Variants in CFAP43 observed in about 807,000 individuals in gnomAD.
The protein encoded by CFAP43 is cilia and flagella associated protein 43.
In CFAP43, 155 loss-of-function variants were observed where a neutral mutation model predicts 218.9. The ratio of observed to expected loss-of-function variants is 0.71; its 90% CI spans 0.62 to 0.81. The LOEUF is 0.81. Among genes scored for constraint, CFAP43 ranks in the 30% least tolerant of loss-of-function variants. The pLI is 0.00. For synonymous variants in CFAP43, 645 were observed against 681.3 expected (o/e 0.95, Z 0.83); for missense variants, 1,778 against 1,954.3 (o/e 0.91, Z 1.70).
chr10:104,156,380 C>T (rs606340), intron 27 of CFAP43, among the ~76,000 whole-genome samples: 42,340 of 151,936 alleles, frequency 0.28, 8,451 homozygotes, highest in African/African-American at 0.58. Context: ...CTAGGAAATC[C>T]GAAAATAGCT....
chr10:104,220,949 C>CGTGTGTGT (rs68093596), intron 3 of CFAP43, among the ~76,000 whole-genome samples: 220 of 143,684 alleles, frequency 1.5e-3, no homozygotes, highest in African/African-American at 4.2e-3. Flanking sequence ...TATGAGTGAG[C>CGTGTGTGT]GTGTGTGTGT....
rs947237060 is a variant in CFAP43 at position 104,164,237 on chromosome 10, C to T, written c.3103G>A (p.Glu1035Lys). The change falls in exon 24 of 38, where the codon GAG (glutamate) becomes AAG (lysine). Residue 1035 changes from glutamate (E) to lysine (K), a missense_variant. Transcript: ENST00000357060. Reference sequence around the variant, plus strand: ...TCCTTCACGCGTGCAATTTCAAACTCTTTTTGTTTATATGCAGCGTCAAAC... The same window carrying T: ...TCCTTCACGCGTGCAATTTCAAACTTTTTTTGTTTATATGCAGCGTCAAAC... ...NEFDAAYKQK[E>K]FEIARVKERN... 2.0e-5 allele frequency: 33 copies of T among 1,613,526 alleles called. No homozygotes were observed. Among genetic ancestry groups the T allele is most frequent in the Non-Finnish European group, 2.7e-5 (32 of 1,179,812 alleles).
chr10:104,215,013 T>C (rs968958519), intron 3 of CFAP43, among the ~76,000 whole-genome samples: 1 of 152,146 alleles, frequency 6.6e-6, no homozygotes, highest in Non-Finnish European at 1.5e-5. Context: ...CACACGCCTG[T>C]AATCCCAGCT....
chr10:104,182,234 T>C (rs2089870870), intron 17 of CFAP43, 132 bp downstream of exon 17: 1 of 1,034,298 alleles, frequency 9.7e-7, no homozygotes, highest in Non-Finnish European at 1.3e-6. Flanking sequence ...TATTCCCTTT[T>C]TGAAAATCAT....
chr10:104,179,522 A>G (rs1014129526), intron 18 of CFAP43, among the ~76,000 whole-genome samples: 35 of 152,136 alleles, frequency 2.3e-4, no homozygotes, highest in African/African-American at 8.2e-4. Context: ...AGGACAGAGG[A>G]AGACAAGCAT....
chr10:104,204,274 T>A (rs1210905313), intron 7 of CFAP43, among the ~76,000 whole-genome samples: 1 of 152,208 alleles, frequency 6.6e-6, no homozygotes, highest in African/African-American at 2.4e-5. Context: ...GATCCTCTTT[T>A]TCTGTTCCTC....
At chr10:104,218,542 G>T (rs2091087029) in intron 3 of CFAP43, among the ~76,000 whole-genome samples, 1 of 152,004 alleles carries the variant, frequency 6.6e-6, no homozygotes, top group South Asian at 2.1e-4. Flanking sequence ...GAGAGGGGAA[G>T]AGTGGGCACT....
At chr10:104,137,306 T>A (rs1310965343) in intron 34 of CFAP43, among the ~76,000 whole-genome samples, 2 of 152,146 alleles carry the variant, frequency 1.3e-5, no homozygotes, top group African/African-American at 4.8e-5. Context: ...GACTGATACA[T>A]GCTACAACAT....
chr10:104,215,915 A>G (rs1308596467), intron 3 of CFAP43, among the ~76,000 whole-genome samples: 4 of 151,794 alleles, frequency 2.6e-5, no homozygotes, highest in Non-Finnish European at 4.4e-5. Flanking sequence ...CAATTCCACC[A>G]CCTGTGCTCT....
chr10:104,214,552 CCTT>C (rs1462680617), intron 3 of CFAP43, 126 bp from the exon 4 acceptor site: 1 of 812,634 alleles, frequency 1.2e-6, no homozygotes, highest in East Asian at 2.9e-5. Flanking sequence ...TAATCAATGA[CCTT>C]AATGTCAAAT....
chr10:104,161,841 G>C, intron 26 of CFAP43, 120 bp downstream of exon 26: 1 of 849,380 alleles, frequency 1.2e-6, no homozygotes, highest in Non-Finnish European at 1.9e-6. Context: ...TACGGAGGTT[G>C]TATAATAGTT....
At chr10:104,154,600 G>A (rs560215118) in intron 27 of CFAP43, among the ~76,000 whole-genome samples, 3 of 152,328 alleles carry the variant, frequency 2.0e-5, no homozygotes, top group South Asian at 4.1e-4. Context: ...ATCAGCATAT[G>A]GCAAATGGCC....
intron 20 of CFAP43, among the ~76,000 whole-genome samples, chr10:104,171,187 C>T (rs1359313012): frequency 1.3e-5 from 2 of 152,142 alleles, no homozygotes; most frequent in Admixed American, 1.3e-4. Context: ...TACATTAGCC[C>T]CATGACAGCA....
intron 1 of CFAP43, 46 bp from the exon 2 acceptor site, chr10:104,230,889 C>A (rs11191960): frequency 0.058 from 72,056 of 1,236,584 alleles, 1,229 homozygotes; most frequent in South Asian, 0.1. Context: ...ATTTCAAATA[C>A]TTTTTTTTTT....
intron 11 of CFAP43, 101 bp downstream of exon 11, chr10:104,193,765 G>A: frequency 7.1e-7 from 1 of 1,415,940 alleles, no homozygotes; most frequent in African/African-American, 1.4e-5. Flanking sequence ...CAAAACAAAT[G>A]AAACACGTAA....
Position 104,166,496 on chromosome 10 carries a change from A to G in CFAP43, c.3031T>C (p.Leu1011=). ...SREEKINQII[L]LKDIIYKVKT... ...AAAGAAAATTGACCCACTTTCAATAATATAATTTGGTTGATTTTCTCTTCT... is the reference window on the plus strand; with the variant it reads ...AAAGAAAATTGACCCACTTTCAATAGTATAATTTGGTTGATTTTCTCTTCT... Residue 1011 remains leucine (L), a synonymous_variant, in exon 23 of 38, where the codon TTA becomes CTA. Transcript: ENST00000357060. 6.2e-7 allele frequency: 1 copy of G among 1,612,484 alleles called. No homozygotes were observed. Among genetic ancestry groups the G allele is most frequent in the Non-Finnish European group, 8.5e-7 (1 of 1,179,338 alleles).
chr10:104,218,272 C>T (rs1009052592), intron 3 of CFAP43, among the ~76,000 whole-genome samples: 11 of 143,486 alleles, frequency 7.7e-5, no homozygotes, highest in East Asian at 2.2e-4. Context: ...GGCGTGAACC[C>T]GGGAGGCAGA....
At chr10:104,185,242 C>A (rs992747411) in intron 15 of CFAP43, 96 bp from the exon 16 acceptor site, 2 of 1,487,342 alleles carry the variant, frequency 1.3e-6, no homozygotes, top group Non-Finnish European at 1.8e-6. Context: ...GTGGATAAAT[C>A]ATTTTCTATT....
chr10:104,185,985 C>T lies in CFAP43; in HGVS notation c.1999G>A (p.Val667Ile), dbSNP rs139015694. The T allele has an allele frequency of 3.6e-5, 58 of 1,611,266 alleles. No homozygotes were observed. The highest frequency in any genetic ancestry group is 2.0e-4 in the East Asian group (9 of 44,740). The change falls in exon 15 of 38, where the codon GTT (valine) becomes ATT (isoleucine). Residue 667 changes from valine (V) to isoleucine (I), a missense_variant. Physicochemically the swap from Val to Ile is conservative, Grantham distance 29. Transcript: ENST00000357060. ...AGAAAGCAGCTTACCAAAGTATAAA[C>T]GTCTCGGATACACAGAATTCCACAT... ...AKCGILCIRD[V>I]YTLETFAWCR...
Sources: allele counts gnomAD v4.1 joint callset (sites outside exome capture counted in the v4.1 genomes callset), GRCh38; gene constraint gnomAD v4.1.1; transcripts MANE v1.5; gene names NCBI Gene and HGNC (gene_info 2026-07-23, HGNC 2026-07-21).